Variants in GRM3 observed in about 807,000 individuals in gnomAD.
GRM3 encodes metabotropic glutamate receptor 3.
Under a neutral mutation model 70.5 loss-of-function variants are expected in GRM3, and 26 were observed. That is an observed-to-expected ratio of 0.37 (90% CI 0.27 to 0.51). The LOEUF is 0.51. Among genes scored for constraint, GRM3 ranks in the 20% least tolerant of loss-of-function variants. The pLI is 0.93. For missense variants in GRM3, 859 were observed against 1,123.8 expected (o/e 0.76, Z 3.37); for synonymous variants, 443 against 434.9 (o/e 1.02, Z -0.23).
At chr7:86,770,577 C>A (rs1001374689) in intron 2 of GRM3, among the ~76,000 whole-genome samples, 1 of 152,014 alleles carries the variant, frequency 6.6e-6, no homozygotes, top group South Asian at 2.1e-4. Flanking sequence ...TAAAGACATC[C>A]CTCTATTATA....
intron 5 of GRM3, among the ~76,000 whole-genome samples, chr7:86,862,228 G>T (rs940655441): frequency 6.6e-6 from 1 of 152,086 alleles, no homozygotes; most frequent in African/African-American, 2.4e-5. Flanking sequence ...GATACAAAAG[G>T]CTGCAGAAAA....
intron 1 of GRM3, among the ~76,000 whole-genome samples, chr7:86,714,349 A>C (rs1795268652): frequency 6.6e-6 from 1 of 151,998 alleles, no homozygotes; most frequent in Non-Finnish European, 1.5e-5. Context: ...TACTTTAACA[A>C]CAAGCTCAAA....
rs1227263804 is a variant in GRM3, at chr7:86,765,336, G to A, written c.191G>A (p.Arg64Gln). 3.7e-6 allele frequency: 6 copies of A among 1,613,910 alleles called. No homozygotes were observed. Among genetic ancestry groups the A allele is most frequent in the Non-Finnish European group, 5.1e-6 (6 of 1,179,874 alleles). Residue 64 changes from arginine (R) to glutamine (Q), a missense_variant, in exon 2 of 6, where the codon CGA (arginine) becomes CAA (glutamine). Coordinates refer to ENST00000361669, the MANE Select transcript of GRM3 (RefSeq NM_000840.3). ...TEECGRINED[R>Q]GIQRLEAMLF... is the part of the protein sequence containing the mutation. Reference sequence around the variant, plus strand: ...GAATGTGGGCGAATCAATGAAGACCGAGGGATTCAACGCCTGGAAGCCATG... The same window carrying A: ...GAATGTGGGCGAATCAATGAAGACCAAGGGATTCAACGCCTGGAAGCCATG...
In GRM3 at chr7:86,786,731, C is replaced by T. The variant is rs773395239; in HGVS notation, c.939C>T (p.Ser313=). Residue 313 remains serine, a synonymous_variant, in exon 3 of 6, where the codon AGC becomes AGT. Transcript: ENST00000361669. The surrounding 1 kb of genome is among the most constrained non-coding windows in gnomAD (Gnocchi z 6.0). ...CGCAGGAGAGCATCATCAAGGGCAG[C>T]GAGCATGTGGCCTACGGCGCCATCA... The part of the protein sequence containing the change: ...WGAQESIIKG[S]EHVAYGAITL... 1 of 1,613,268 alleles carries T rather than the reference C, an allele frequency of 6.2e-7. No homozygotes were observed. The highest frequency in any genetic ancestry group is 1.3e-5 in the African/African-American group (1 of 74,942).
intron 1 of GRM3, among the ~76,000 whole-genome samples, chr7:86,677,885 A>G (rs533504480): frequency 6.6e-6 from 1 of 152,140 alleles, no homozygotes; most frequent in East Asian, 1.9e-4. Flanking sequence ...ACCATCTGAT[A>G]AGGAGATTTG....
At chr7:86,793,667 G>A (rs960308892) in intron 3 of GRM3, among the ~76,000 whole-genome samples, 4 of 152,164 alleles carry the variant, frequency 2.6e-5, no homozygotes, top group Non-Finnish European at 5.9e-5. Context: ...GTGCATCTGT[G>A]CTTTGGTGTC....
intron 3 of GRM3, among the ~76,000 whole-genome samples, chr7:86,837,050 T>A (rs1483783093): frequency 2.0e-5 from 3 of 151,876 alleles, no homozygotes; most frequent in Non-Finnish European, 4.4e-5. Flanking sequence ...GAGGTGGAGG[T>A]TGGTAAAGTC....
chr7:86,726,422 T>A (rs1222338113), intron 1 of GRM3, among the ~76,000 whole-genome samples: 1 of 152,180 alleles, frequency 6.6e-6, no homozygotes, highest in Non-Finnish European at 1.5e-5. Flanking sequence ...ACTCTGATTA[T>A]CCTCATTTCT....
intron 1 of GRM3, among the ~76,000 whole-genome samples, chr7:86,676,318 A>C (rs1293247061): frequency 6.6e-6 from 1 of 152,110 alleles, no homozygotes; most frequent in South Asian, 2.1e-4. Context: ...AAATCAGAGG[A>C]AGACAAAAAA....
chr7:86,644,939 C>T (rs1793419923), intron 1 of GRM3, 67 bp downstream of exon 1: 3 of 845,344 alleles, frequency 3.5e-6, no homozygotes, highest in Non-Finnish European at 3.4e-6. Flanking sequence ...AGCTCGGGTG[C>T]CGCGTGGGGC....
Position 86,765,841 on chromosome 7 carries a change from C to T in GRM3, c.468+228C>T, listed in dbSNP as rs1405805016. ...GTAGCTATTGCAACATTAAACACTA[C>T]CCCCAAAATTCAGTGGTTCAAATAA... On this transcript the variant is annotated intron_variant, in intron 2 of 5. Coordinates refer to ENST00000361669, the MANE Select transcript of GRM3 (RefSeq NM_000840.3). Among the ~76,000 whole-genome samples the T allele has an allele frequency of 2.6e-5, 4 of 152,048 alleles. No individual in the cohort carries two copies. The East Asian group carries it at 7.7e-4, about 29-fold the overall frequency.
chr7:86,773,314 G>A (rs1446547121), intron 2 of GRM3, among the ~76,000 whole-genome samples: 5 of 151,826 alleles, frequency 3.3e-5, no homozygotes, highest in Non-Finnish European at 4.4e-5. Context: ...TGTATACTTA[G>A]CAGTCAACAT....
At chr7:86,795,959 A>G (rs1797539331) in intron 3 of GRM3, among the ~76,000 whole-genome samples, 1 of 152,188 alleles carries the variant, frequency 6.6e-6, no homozygotes, top group Non-Finnish European at 1.5e-5. Flanking sequence ...AGTTCCTTGT[A>G]GATTCTGGCT....
intron 2 of GRM3, among the ~76,000 whole-genome samples, chr7:86,769,709 C>A (rs1416457222): frequency 6.6e-6 from 1 of 152,148 alleles, no homozygotes; most frequent in Non-Finnish European, 1.5e-5. Context: ...AGCTGTATCA[C>A]CATTGATGAA....
At chr7:86,679,198 A>G (rs149390593) in intron 1 of GRM3, among the ~76,000 whole-genome samples, 2 of 152,234 alleles carry the variant, frequency 1.3e-5, no homozygotes, top group Non-Finnish European at 2.9e-5. Context: ...AGTGACAGGC[A>G]TATCATATCT....
chr7:86,711,082 C>T (rs1056699504), intron 1 of GRM3, among the ~76,000 whole-genome samples: 1 of 152,042 alleles, frequency 6.6e-6, no homozygotes, highest in Non-Finnish European at 1.5e-5. Flanking sequence ...CTCTGAGCCC[C>T]ACTTTCCTCA....
chr7:86,741,790 G>A (rs1435297928), intron 1 of GRM3, among the ~76,000 whole-genome samples: 2 of 152,098 alleles, frequency 1.3e-5, no homozygotes, highest in Non-Finnish European at 2.9e-5. Flanking sequence ...TTAGATGATT[G>A]CTAAGGACCA....
chr7:86,833,335 G>A (rs945199844), intron 3 of GRM3, among the ~76,000 whole-genome samples: 3 of 151,746 alleles, frequency 2.0e-5, no homozygotes, highest in African/African-American at 7.3e-5. Context: ...AGCATGGCAC[G>A]TGTATACATA....
In GRM3 at chr7:86,728,491, T is replaced by C. The variant is rs1795644743; in HGVS notation, c.-140-36515T>C. On this transcript the variant is annotated intron_variant, in intron 1 of 5. Coordinates refer to ENST00000361669, the MANE Select transcript of GRM3 (RefSeq NM_000840.3). The stretch of plus-strand genomic sequence containing the variant: ...TAGTCAACTCAGCCTCATCCCTTCC[T>C]TCTCCAGGCAATGGGGCTGTTAAGT... Among the ~76,000 whole-genome samples the C allele has an allele frequency of 2.6e-5, 4 of 152,238 alleles. No individual in the cohort carries two copies. The South Asian group carries it at 8.3e-4, about 32-fold the overall frequency.
Sources: allele counts gnomAD v4.1 joint callset (sites outside exome capture counted in the v4.1 genomes callset), GRCh38; gene constraint gnomAD v4.1.1; non-coding constraint Gnocchi (gnomAD v3.1); transcripts MANE v1.5; gene names NCBI Gene and HGNC (gene_info 2026-07-23, HGNC 2026-07-21).